The following GRIA2 variants were observed in gnomAD, a reference collection of about 807,000 sequenced individuals.
The protein encoded by GRIA2 is glutamate receptor 2.
Under a neutral mutation model 97.3 loss-of-function variants are expected in GRIA2, and 14 were observed. That is an observed-to-expected ratio of 0.14 (90% CI 0.10 to 0.23). GRIA2 has a LOEUF of 0.23. GRIA2 is among the 10% of genes least tolerant of loss of function. The pLI, the probability that GRIA2 is intolerant of heterozygous loss-of-function variation, is 1.00. For synonymous variants in GRIA2, 412 were observed against 387.8 expected, an observed-to-expected ratio of 1.06 and a Z score of -0.73; for missense variants, 558 against 1,069.8, an observed-to-expected ratio of 0.52 and a Z score of 6.67.
chr4:157,297,898 GA>G (rs1301686015), intron 2 of GRIA2, among the ~76,000 whole-genome samples: 1 of 151,614 alleles, frequency 6.6e-6, no homozygotes, highest in East Asian at 1.9e-4. Context: ...ATACATTATT[GA>G]AAAATTAATA....
chr4:157,239,212 A>T (rs1279282770), intron 2 of GRIA2, among the ~76,000 whole-genome samples: 1 of 152,120 alleles, frequency 6.6e-6, no homozygotes, highest in Non-Finnish European at 1.5e-5. Context: ...TTATGTCCAG[A>T]ATAGAACTGT....
chr4:157,333,042 T>G, intron 7 of GRIA2, 56 bp downstream of exon 7: 1 of 1,347,504 alleles, frequency 7.4e-7, no homozygotes, highest in Non-Finnish European at 1.0e-6. Context: ...AATGTTTTCT[T>G]CCTGCTAAAT....
chr4:157,273,596 C>A (rs1732136782), intron 2 of GRIA2, among the ~76,000 whole-genome samples: 1 of 151,674 alleles, frequency 6.6e-6, no homozygotes, highest in Admixed American at 6.6e-5. Context: ...TAAAGAATAC[C>A]TTGAAAGGCT....
chr4:157,295,870 A>G (rs1733325434), intron 2 of GRIA2, among the ~76,000 whole-genome samples: 1 of 152,158 alleles, frequency 6.6e-6, no homozygotes, highest in Non-Finnish European at 1.5e-5. Context: ...AATAAATGTC[A>G]CTTACGACAA....
chr4:157,243,538 T>G (rs1730596585), intron 2 of GRIA2, among the ~76,000 whole-genome samples: 2 of 152,156 alleles, frequency 1.3e-5, no homozygotes, highest in African/African-American at 4.8e-5. Context: ...TCTTTTCTTG[T>G]AGTGAATGCC....
rs41279343 is a variant in GRIA2, at chr4:157,364,321, A to G, written c.*890A>G. 2 of 152,602 alleles carry G rather than the reference A, an allele frequency of 1.3e-5. No homozygotes were observed. Among genetic ancestry groups the G allele is most frequent in the Non-Finnish European group, 2.9e-5 (2 of 67,964 alleles). 9.5% of individuals were successfully genotyped at this position (152,602 alleles called of 1,614,324 possible). On this transcript the variant is annotated 3_prime_UTR_variant, in exon 16 of 16. Coordinates refer to ENST00000264426, the MANE Select transcript of GRIA2 (RefSeq NM_001083619.3). ...GGTCCAATTAATTTTGCTTAGCTAC[A>G]GTTTGGTCATAAATCAAGTGAGTTT... is the stretch of plus-strand genomic sequence containing the variant.
At chr4:157,289,753 T>C (rs1051595288) in intron 2 of GRIA2, among the ~76,000 whole-genome samples, 4 of 151,780 alleles carry the variant, frequency 2.6e-5, no homozygotes, top group Admixed American at 1.3e-4. Context: ...CAGACACACA[T>C]ACACAAACAC....
At position 157,336,713 on chromosome 4, in the gene GRIA2, G is replaced by T; in HGVS notation, c.1810G>T (p.Ala604Ser). ...TAATAGTCTCTGGTTTTCCTTGGGT[G>T]CCTTTATGCAGCAAGGATGCGATAT... ...IFNSLWFSLG[A>S]FMQQGCDISP... The change falls in exon 11 of 16, where the codon GCC becomes TCC. Residue 604 changes from alanine to serine, a missense_variant. Ala to Ser is a moderately conservative substitution (Grantham distance 99). This residue lies in a region of GRIA2 where 125 missense variants were observed against 310.2 expected (regional missense o/e 0.40). Transcript: ENST00000264426. 6.2e-7 allele frequency: 1 copy of T among 1,612,640 alleles called. No individual in the cohort carries two copies. Among genetic ancestry groups the T allele is most frequent in the Non-Finnish European group, 8.5e-7 (1 of 1,178,996 alleles).
rs1736846561 is a variant in GRIA2, at chr4:157,365,522, T to C, written c.*2091T>C. On this transcript the variant is annotated 3_prime_UTR_variant, in exon 16 of 16. Coordinates refer to ENST00000264426, the MANE Select transcript of GRIA2 (RefSeq NM_001083619.3). ...GAACTAATGTAAATAATTGAAATAA[T>C]GTAAAGTTATATTTTCATGTTTTTA... The C allele has an allele frequency of 6.6e-6, 1 of 151,992 alleles. No individual in the cohort carries two copies. The highest frequency in any genetic ancestry group is 2.4e-5 in the African/African-American group (1 of 41,386). The allele number at this position is 151,992 out of a possible 1,614,324, so 9.4% of individuals were successfully genotyped here. A position where few individuals can be genotyped will look rare whatever the true frequency, so the allele number is the denominator to read the frequency against.
intron 2 of GRIA2, among the ~76,000 whole-genome samples, chr4:157,298,404 G>T (rs974943595): frequency 2.6e-5 from 4 of 151,914 alleles, no homozygotes; most frequent in African/African-American, 9.7e-5. Flanking sequence ...GGGCAAGAAG[G>T]TCATTATTCT....
chr4:157,307,334 G>A (rs905540295), intron 3 of GRIA2, among the ~76,000 whole-genome samples: 5 of 152,180 alleles, frequency 3.3e-5, no homozygotes, highest in African/African-American at 1.2e-4. Flanking sequence ...TAAACAATTA[G>A]AGACATGGAT....
chr4:157,245,177 CCAGG>C (rs1197249305), intron 2 of GRIA2, among the ~76,000 whole-genome samples: 1 of 151,866 alleles, frequency 6.6e-6, no homozygotes, highest in South Asian at 2.1e-4. Context: ...TTCGAGTATA[CCAGG>C]CCCTTTAGGA....
chr4:157,361,111 GA>G lies in GRIA2; in HGVS notation c.2394del (p.Gly799ValfsTer12). ...WYDKGECGSG[G>X]GDSKEKTSAL... ...GACAAAGGAGAGTGCGGCAGCGGGG[GA>G]GGTGATTCCAAGGTCAGCCCCAGTG... On this transcript the variant is annotated frameshift_variant, in exon 14 of 16. Transcript: ENST00000264426. LOFTEE classifies it high-confidence loss of function. The surrounding 1 kb of genome is among the most constrained non-coding windows in gnomAD (Gnocchi z 5.2). 6.2e-7 allele frequency: 1 copy of G among 1,611,022 alleles called. No homozygotes were observed. Among genetic ancestry groups the G allele is most frequent in the East Asian group, 2.2e-5 (1 of 44,788 alleles).
intron 2 of GRIA2, among the ~76,000 whole-genome samples, chr4:157,237,362 A>G (rs1579294332): frequency 6.6e-6 from 1 of 150,454 alleles, no homozygotes; most frequent in South Asian, 2.1e-4. Context: ...TGGCATGATC[A>G]TGGCTCACTG....
intron 2 of GRIA2, among the ~76,000 whole-genome samples, chr4:157,283,073 A>G (rs1455181388): frequency 6.6e-6 from 1 of 152,052 alleles, no homozygotes; most frequent in Non-Finnish European, 1.5e-5. Context: ...TCTAGATGAT[A>G]TTTTTTCAAA....
At chr4:157,363,068 C>T in intron 15 of GRIA2, 21 bp downstream of exon 15, 1 of 1,588,190 alleles carries the variant, frequency 6.3e-7, no homozygotes, top group Non-Finnish European at 8.6e-7. Flanking sequence ...GGCTCTAATA[C>T]AAACTTTTTA....
chr4:157,233,821 T>G (rs1332544850), intron 2 of GRIA2, among the ~76,000 whole-genome samples: 2 of 152,128 alleles, frequency 1.3e-5, no homozygotes, highest in African/African-American at 4.8e-5. Context: ...CATATCTGGT[T>G]GATCCTCACT....
At chr4:157,303,155 A>C (rs780503550) in intron 2 of GRIA2, among the ~76,000 whole-genome samples, 3 of 152,160 alleles carry the variant, frequency 2.0e-5, no homozygotes, top group Non-Finnish European at 2.9e-5. Context: ...AATACAGTAA[A>C]GATTTTTAAA....
intron 2 of GRIA2, among the ~76,000 whole-genome samples, chr4:157,278,915 A>G (rs1251208135): frequency 2.0e-5 from 3 of 152,074 alleles, no homozygotes; most frequent in East Asian, 1.9e-4. Context: ...ATACCACTAC[A>G]TGCTTATTAG....
Sources: gnomAD v4.1 joint callset for allele counts (sites outside exome capture counted in the v4.1 genomes callset) on GRCh38, gnomAD v4.1.1 for gene constraint, gnomAD v4.1.1 regional missense constraint, Gnocchi (gnomAD v3.1) non-coding constraint, MANE v1.5 for transcripts, NCBI Gene and HGNC (gene_info 2026-07-23, HGNC 2026-07-21) for gene names.